CCNY: variants seen among roughly 807,000 people sequenced by gnomAD.
The protein encoded by CCNY is cyclin Y.
CCNY carries 19 observed loss-of-function variants against 42.8 expected under a neutral mutation model. The ratio of observed to expected loss-of-function variants is 0.44; its 90% CI spans 0.31 to 0.65. The LOEUF is 0.65. CCNY is among the 30% of genes least tolerant of loss of function. CCNY has a pLI of 0.07. For missense variants in CCNY, 370 were observed against 437.3 expected, an observed-to-expected ratio of 0.85 and a Z score of 1.37; for synonymous variants, 165 against 162.7, an observed-to-expected ratio of 1.01 and a Z score of -0.11.
At chr10:35,493,721 A>G (rs763525575) in intron 2 of CCNY, among the ~76,000 whole-genome samples, 1 of 152,184 alleles carries the variant, frequency 6.6e-6, no homozygotes, top group Non-Finnish European at 1.5e-5. Flanking sequence ...ATTTCCCTCA[A>G]TCTCAATTTT....
chr10:35,540,001 G>C (rs1840966449), intron 7 of CCNY, among the ~76,000 whole-genome samples: 1 of 152,186 alleles, frequency 6.6e-6, no homozygotes, highest in Admixed American at 6.5e-5. Context: ...TACATGGGAA[G>C]ATCACCTGCA....
chr10:35,510,963 G>A (rs1381886212), intron 3 of CCNY, among the ~76,000 whole-genome samples: 2 of 152,192 alleles, frequency 1.3e-5, no homozygotes, highest in Non-Finnish European at 2.9e-5. Context: ...CTGTGCTCCT[G>A]CCCTGCCTGT....
chr10:35,522,094 CTA>C (rs1036142287), intron 4 of CCNY, among the ~76,000 whole-genome samples: 1 of 152,228 alleles, frequency 6.6e-6, no homozygotes, highest in African/African-American at 2.4e-5. Flanking sequence ...CAGTTTACCA[CTA>C]GGGTTAATCC....
intron 3 of CCNY, among the ~76,000 whole-genome samples, chr10:35,313,965 G>GAGTT (rs1357996721): frequency 1.2e-4 from 14 of 118,620 alleles, no homozygotes; most frequent in African/African-American, 4.5e-4. Flanking sequence ...GATAAAGTGA[G>GAGTT]AGTTCATCTC....
chr10:35,263,433 C>T (rs1028736079), intron 3 of CCNY, among the ~76,000 whole-genome samples: 3 of 149,354 alleles, frequency 2.0e-5, no homozygotes, highest in Non-Finnish European at 3.0e-5. Context: ...CCCAGCTACT[C>T]GGGAGGCTGA....
chr10:35,432,980 C>G (rs1838446282), intron 1 of CCNY, among the ~76,000 whole-genome samples: 1 of 152,178 alleles, frequency 6.6e-6, no homozygotes, highest in African/African-American at 2.4e-5. Flanking sequence ...ATTAGCATTA[C>G]CACCTTGGTT....
At chr10:35,265,081 T>C (rs2095723855) in intron 3 of CCNY, among the ~76,000 whole-genome samples, 1 of 152,190 alleles carries the variant, frequency 6.6e-6, no homozygotes, top group Non-Finnish European at 1.5e-5. Flanking sequence ...CTGATGATAG[T>C]TCATTTTGCT....
chr10:35,322,631 T>C (rs555422062), intron 3 of CCNY, among the ~76,000 whole-genome samples: 1 of 152,338 alleles, frequency 6.6e-6, no homozygotes, highest in South Asian at 2.1e-4. Context: ...AAAGGTATTG[T>C]ATCTGGAATA....
intron 3 of CCNY, among the ~76,000 whole-genome samples, chr10:35,304,370 C>T (rs1230856657): frequency 4.0e-5 from 2 of 50,558 alleles, no homozygotes; most frequent in South Asian, 6.7e-4. Flanking sequence ...AGTGCAGTGG[C>T]GGGATCTCGG....
At chr10:35,504,818 G>A (rs1840181578) in intron 3 of CCNY, among the ~76,000 whole-genome samples, 2 of 152,068 alleles carry the variant, frequency 1.3e-5, no homozygotes, top group African/African-American at 4.8e-5. Flanking sequence ...TGTATTTTTA[G>A]TAGAGACAGG....
intron 1 of CCNY, among the ~76,000 whole-genome samples, chr10:35,419,886 A>G (rs1425423844): frequency 6.6e-6 from 1 of 152,032 alleles, no homozygotes; most frequent in African/African-American, 2.4e-5. Flanking sequence ...TTTCTAGGCA[A>G]ACTTTATAAT....
chr10:35,496,934 A>G (rs1840014915), intron 2 of CCNY, among the ~76,000 whole-genome samples: 1 of 152,178 alleles, frequency 6.6e-6, no homozygotes, highest in Non-Finnish European at 1.5e-5. Context: ...TTTTATCAGG[A>G]GAAGACTTTT....
chr10:35,454,282 G>A (rs1160478819), intron 1 of CCNY, among the ~76,000 whole-genome samples: 1 of 152,198 alleles, frequency 6.6e-6, no homozygotes, highest in Non-Finnish European at 1.5e-5. Context: ...CATAGAAGCC[G>A]TTTCAGCTTC....
chr10:35,306,005 T>C (rs554499172), intron 3 of CCNY, among the ~76,000 whole-genome samples: 33 of 152,316 alleles, frequency 2.2e-4, no homozygotes, highest in African/African-American at 7.9e-4. Flanking sequence ...TCCTGTGTAA[T>C]TTTTTACTTA....
At chr10:35,480,768 A>C (rs1252997702) in intron 1 of CCNY, among the ~76,000 whole-genome samples, 2 of 152,122 alleles carry the variant, frequency 1.3e-5, no homozygotes, top group African/African-American at 4.8e-5. Flanking sequence ...GGAGCTTGAG[A>C]CCAGCCTGGG....
At chr10:35,373,413 G>A (rs1197067974) in intron 1 of CCNY, among the ~76,000 whole-genome samples, 1 of 152,208 alleles carries the variant, frequency 6.6e-6, no homozygotes, top group Non-Finnish European at 1.5e-5. Flanking sequence ...ATGGTGAGTG[G>A]TGGAGGAGTG....
At chr10:35,487,794 G>A (rs1313714181) in intron 2 of CCNY, among the ~76,000 whole-genome samples, 1 of 152,132 alleles carries the variant, frequency 6.6e-6, no homozygotes, top group Admixed American at 6.5e-5. Flanking sequence ...TTGTACAGGA[G>A]CCACTCAGCA....
intron 1 of CCNY, among the ~76,000 whole-genome samples, chr10:35,412,769 G>C (rs1006897112): frequency 6.8e-6 from 1 of 146,468 alleles, no homozygotes; most frequent in Non-Finnish European, 1.5e-5. Context: ...GCTGAGGCAG[G>C]AGAATTGCTC....
chr10:35,542,341 A>T (rs1841019669), intron 7 of CCNY, among the ~76,000 whole-genome samples: 1 of 151,982 alleles, frequency 6.6e-6, no homozygotes, highest in African/African-American at 2.4e-5. Flanking sequence ...AGCACATCAC[A>T]TCAAAGGTAC....
Sources: gnomAD v4.1 joint callset for allele counts (sites outside exome capture counted in the v4.1 genomes callset) on GRCh38, gnomAD v4.1.1 for gene constraint, MANE v1.5 for transcripts, NCBI Gene and HGNC (gene_info 2026-07-23, HGNC 2026-07-21) for gene names.